CHIC2: variants seen among roughly 807,000 people sequenced by gnomAD.
The protein encoded by CHIC2 is cysteine-rich hydrophobic domain-containing protein 2.
CHIC2 carries 14 observed loss-of-function variants against 25.9 expected under a neutral mutation model. The observed-to-expected ratio is 0.54, with a 90% CI of 0.36 to 0.85. The LOEUF (loss-of-function observed/expected upper bound fraction) is 0.85. Ranked by LOEUF, CHIC2 falls within the 40% of genes least tolerant of loss-of-function variation. The probability of loss-of-function intolerance (pLI) is 0.01; values close to 1 mark genes in which losing one functional copy is unlikely to be tolerated. For missense variants in CHIC2, 146 were observed against 202.0 expected (o/e 0.72, Z 1.68); for synonymous variants, 70 against 72.0 (o/e 0.97, Z 0.14).
upstream of CHIC2, among the ~76,000 whole-genome samples, chr4:54,066,291 G>A (rs546710793): frequency 6.6e-6 from 1 of 152,252 alleles, no homozygotes; most frequent in South Asian, 2.1e-4. Context: ...GCTTAAGATC[G>A]GTGAAGTGCC....
intron 3 of CHIC2, among the ~76,000 whole-genome samples, chr4:54,015,827 G>C (rs991438791): frequency 1.3e-5 from 2 of 152,150 alleles, no homozygotes; most frequent in Non-Finnish European, 2.9e-5. Flanking sequence ...GCATCACAGC[G>C]AACCTGAAAA....
chr4:54,018,831 T>C (rs1003580440), intron 3 of CHIC2, among the ~76,000 whole-genome samples: 24 of 152,184 alleles, frequency 1.6e-4, no homozygotes, highest in African/African-American at 5.8e-4. Context: ...ATTGGATTTA[T>C]TCATACCATC....
chr4:54,063,943 C>A (rs528785439), intron 1 of CHIC2, among the ~76,000 whole-genome samples: 150 of 152,350 alleles, frequency 9.8e-4, no homozygotes, highest in African/African-American at 3.3e-3. Flanking sequence ...CTACTGGGAT[C>A]GTCACATCGC....
At chr4:54,019,258 A>G (rs1715828465) in intron 3 of CHIC2, among the ~76,000 whole-genome samples, 1 of 152,026 alleles carries the variant, frequency 6.6e-6, no homozygotes, top group Admixed American at 6.5e-5. Context: ...AAAAAACTAG[A>G]ATATGATTTC....
chr4:54,043,433 A>C (rs1345327241), intron 3 of CHIC2, among the ~76,000 whole-genome samples: 1 of 151,726 alleles, frequency 6.6e-6, no homozygotes, highest in Non-Finnish European at 1.5e-5. Flanking sequence ...AAAAAAAAAA[A>C]AAAAAAGAAA....
chr4:54,026,826 T>G (rs1327653872), intron 3 of CHIC2, among the ~76,000 whole-genome samples: 1 of 152,224 alleles, frequency 6.6e-6, no homozygotes, highest in Admixed American at 6.5e-5. Context: ...AAATCCACCC[T>G]TCTTCCTTTC....
Position 54,038,119 on chromosome 4 carries a change from T to C in CHIC2, c.330+10836A>G, listed in dbSNP as rs554855834. ...TCATCACTCCTATTCAGCATTTTAT[T>C]AGAACTCCTACACTGTGAAAAAGAG... On this transcript the variant is annotated intron_variant, in intron 3 of 5. Transcript: ENST00000263921. Among the ~76,000 whole-genome samples, 3 of 152,212 alleles carry C rather than the reference T, an allele frequency of 2.0e-5. No individual in the cohort carries two copies. The South Asian group carries it at 6.2e-4, about 32-fold the overall frequency.
intron 3 of CHIC2, among the ~76,000 whole-genome samples, chr4:54,029,420 A>C (rs998823404): frequency 3.3e-5 from 5 of 152,234 alleles, no homozygotes; most frequent in African/African-American, 4.8e-5. Context: ...ATTATTGACC[A>C]CATGAATATT....
At chr4:54,027,999 T>C (rs1032869424) in intron 3 of CHIC2, among the ~76,000 whole-genome samples, 44 of 152,190 alleles carry the variant, frequency 2.9e-4, no homozygotes, top group African/African-American at 1.0e-3. Context: ...TTAAAATGTA[T>C]ATTTTTCTCC....
intron 3 of CHIC2, among the ~76,000 whole-genome samples, chr4:54,036,484 G>A (rs945489269): frequency 1.3e-5 from 2 of 152,048 alleles, no homozygotes; most frequent in African/African-American, 2.4e-5. Context: ...CGGGGTTGGG[G>A]GAGGTGCCAC....
intron 3 of CHIC2, among the ~76,000 whole-genome samples, chr4:54,042,517 A>G (rs1434376112): frequency 1.3e-5 from 2 of 152,222 alleles, no homozygotes; most frequent in Non-Finnish European, 2.9e-5. Context: ...GTATCAAAAC[A>G]AAACCAACAC....
At chr4:54,072,208 C>T in the CHIC2 span, among the ~76,000 whole-genome samples, 7 of 151,506 alleles carry the variant, frequency 4.6e-5, no homozygotes, top group Admixed American at 4.6e-4. Context: ...GAGGCTGAGG[C>T]AGGAGAATGG....
At chr4:54,013,022 G>GT (rs1250466422) in intron 5 of CHIC2, among the ~76,000 whole-genome samples, 1 of 151,996 alleles carries the variant, frequency 6.6e-6, no homozygotes, top group Non-Finnish European at 1.5e-5. Context: ...CAGAAATGTT[G>GT]TAACAGGTAC....
intron 1 of CHIC2, among the ~76,000 whole-genome samples, chr4:54,053,176 A>T (rs1370727256): frequency 8.5e-5 from 13 of 152,198 alleles, no homozygotes; most frequent in Non-Finnish European, 1.8e-4. Context: ...ATATACCATG[A>T]TATTAACTGA....
the CHIC2 span, among the ~76,000 whole-genome samples, chr4:54,085,173 G>A: frequency 2.0e-5 from 3 of 152,004 alleles, no homozygotes; most frequent in Non-Finnish European, 4.4e-5. Flanking sequence ...ATGTCCTTAA[G>A]GAACAAGTAT....
intron 1 of CHIC2, among the ~76,000 whole-genome samples, chr4:54,059,169 GTAT>G (rs1259073985): frequency 6.6e-6 from 1 of 152,082 alleles, no homozygotes; most frequent in Non-Finnish European, 1.5e-5. Context: ...CCAAAGATAT[GTAT>G]TATATCAAAT....
intron 3 of CHIC2, among the ~76,000 whole-genome samples, chr4:54,034,455 CACTT>C (rs1472948105): frequency 6.6e-6 from 1 of 151,884 alleles, no homozygotes; most frequent in Non-Finnish European, 1.5e-5. Flanking sequence ...TATTTTCCCC[CACTT>C]ACTTAAGTCT....
upstream of CHIC2, chr4:54,064,694 T>TGGGCGCGTGGGC (rs1359151650): frequency 1.0e-6 from 1 of 1,003,816 alleles, no homozygotes. The surrounding 1 kb of genome is among the most constrained non-coding windows in gnomAD (Gnocchi z 4.2). Context: ...GGCGCGTGCG[T>TGGGCGCGTGGGC]GGGCGCGTGG....
the CHIC2 span, among the ~76,000 whole-genome samples, chr4:54,074,941 C>T: frequency 1.3e-5 from 2 of 152,042 alleles, no homozygotes; most frequent in Non-Finnish European, 2.9e-5. Context: ...GACCCTGTCT[C>T]TACAAAAATA....
Sources: gnomAD v4.1 joint callset for allele counts (sites outside exome capture counted in the v4.1 genomes callset) on GRCh38, gnomAD v4.1.1 for gene constraint, Gnocchi (gnomAD v3.1) non-coding constraint, MANE v1.5 for transcripts, NCBI Gene and HGNC (gene_info 2026-07-23, HGNC 2026-07-21) for gene names.